MYO1E: variants seen among roughly 807,000 people sequenced by gnomAD.
The protein encoded by MYO1E is unconventional myosin-Ie.
A neutral mutation model predicts 151.1 loss-of-function variants in MYO1E; 68 were observed. The ratio of observed to expected loss-of-function variants is 0.45; its 90% CI spans 0.37 to 0.55. MYO1E has a LOEUF of 0.55. Among genes scored for constraint, MYO1E ranks in the 20% least tolerant of loss-of-function variants. MYO1E has a pLI of 0.00. For synonymous variants in MYO1E, 601 were observed against 501.7 expected, an observed-to-expected ratio of 1.20 and a Z score of -2.64; for missense variants, 1,363 against 1,389.3, an observed-to-expected ratio of 0.98 and a Z score of 0.30.
intron 4 of MYO1E, among the ~76,000 whole-genome samples, chr15:59,246,028 G>A (rs1291529264): frequency 6.6e-6 from 1 of 152,230 alleles, no homozygotes; most frequent in Non-Finnish European, 1.5e-5. Context: ...GAGCTAAGCA[G>A]ATATGGGTGG....
chr15:59,254,799 T>C (rs1395327543), intron 4 of MYO1E, among the ~76,000 whole-genome samples: 4 of 152,166 alleles, frequency 2.6e-5, no homozygotes, highest in African/African-American at 4.8e-5. Flanking sequence ...TACTTTCTAG[T>C]GTTTGAAAAT....
chr15:59,278,932 T>C (rs2080336974), intron 1 of MYO1E, among the ~76,000 whole-genome samples: 1 of 152,142 alleles, frequency 6.6e-6, no homozygotes, highest in Non-Finnish European at 1.5e-5. Flanking sequence ...GGTCATAATG[T>C]ACCATGTTGC....
chr15:59,302,781 T>C (rs959856396), intron 1 of MYO1E, among the ~76,000 whole-genome samples: 1 of 152,090 alleles, frequency 6.6e-6, no homozygotes, highest in Non-Finnish European at 1.5e-5. Flanking sequence ...CTGGACACTA[T>C]ATAAATTATA....
intron 1 of MYO1E, chr15:59,360,025 C>T (rs1237423358): frequency 1.3e-5 from 2 of 152,102 alleles, no homozygotes; most frequent in Non-Finnish European, 2.9e-5. Context: ...GGATTTGCTT[C>T]TAAAGAAACC....
chr15:59,306,131 T>C (rs1220389197), intron 1 of MYO1E, among the ~76,000 whole-genome samples: 2 of 152,212 alleles, frequency 1.3e-5, no homozygotes, highest in African/African-American at 4.8e-5. Flanking sequence ...CAGAAGTTTT[T>C]CTATGGCACC....
intron 7 of MYO1E, among the ~76,000 whole-genome samples, chr15:59,226,643 C>G (rs974046195): frequency 6.6e-6 from 1 of 151,968 alleles, no homozygotes; most frequent in South Asian, 2.1e-4. Flanking sequence ...CCCACCTCTA[C>G]GAAAAATACA....
chr15:59,291,833 A>T (rs1364613781), intron 1 of MYO1E, among the ~76,000 whole-genome samples: 1 of 152,024 alleles, frequency 6.6e-6, no homozygotes, highest in Non-Finnish European at 1.5e-5. Flanking sequence ...GGAAGGAAAT[A>T]AAACAACCCT....
Position 59,133,883 on chromosome 15 carries a change from T to C in MYO1E, c.*3497A>G, listed in dbSNP as rs1325213710. 1 of 152,066 alleles carries C rather than the reference T, an allele frequency of 6.6e-6. No individual in the cohort carries two copies. The allele number at this position is 152,066 out of a possible 1,614,324, so 9.4% of individuals were successfully genotyped here. A position where few individuals can be genotyped will look rare whatever the true frequency, so the allele number is the denominator to read the frequency against. Reference sequence around the variant, plus strand: ...CACTCAGGGAGGGTCTGGGGATGAGTTCAGGAGGGAGTCGCAAAGAGAAGG... The same window carrying C: ...CACTCAGGGAGGGTCTGGGGATGAGCTCAGGAGGGAGTCGCAAAGAGAAGG... On this transcript the variant is annotated 3_prime_UTR_variant, in exon 28 of 28. Coordinates refer to ENST00000288235, the MANE Select transcript of MYO1E (RefSeq NM_004998.4).
intron 1 of MYO1E, among the ~76,000 whole-genome samples, chr15:59,329,059 T>C (rs2080683402): frequency 6.6e-6 from 1 of 152,114 alleles, no homozygotes; most frequent in African/African-American, 2.4e-5. Context: ...GGACTCAAAA[T>C]GGGTAATGTA....
chr15:59,183,373 T>C (rs1239375666), intron 18 of MYO1E, among the ~76,000 whole-genome samples: 1 of 151,762 alleles, frequency 6.6e-6, no homozygotes, highest in Non-Finnish European at 1.5e-5. Flanking sequence ...CTTGTTTTCT[T>C]GAGACACAGT....
At chr15:59,291,983 C>T (rs2080422432) in intron 1 of MYO1E, among the ~76,000 whole-genome samples, 1 of 152,128 alleles carries the variant, frequency 6.6e-6, no homozygotes. Flanking sequence ...GAAACCACAG[C>T]TCTTTTGCTT....
intron 1 of MYO1E, among the ~76,000 whole-genome samples, chr15:59,319,919 C>CAAAG (rs1294249472): frequency 2.6e-5 from 4 of 151,880 alleles, no homozygotes; most frequent in African/African-American, 9.7e-5. Context: ...AACAAACAAA[C>CAAAG]AAAGAAAGAA....
chr15:59,223,997 C>G lies in MYO1E; in HGVS notation c.777+692G>C, dbSNP rs984812865. ...ATGTACTGAACCCACGCTGCTCATT[C>G]AGAGTCTACTGCTCAGTTCTGGATC... is the stretch of plus-strand genomic sequence containing the variant. On this transcript the variant is annotated intron_variant, in intron 8 of 27. Transcript: ENST00000288235. Among the ~76,000 whole-genome samples, 2 of 152,324 alleles carry G rather than the reference C, an allele frequency of 1.3e-5. 1 individual carries two copies. The highest frequency in any genetic ancestry group is 4.1e-4 in the South Asian group (2 of 4,826).
At position 59,236,363 on chromosome 15, in the gene MYO1E, A is replaced by AAAAATAT. The variant is rs1387709265; in HGVS notation, c.420+221_420+222insATATTTT. Among the ~76,000 whole-genome samples the AAAAATAT allele has an allele frequency of 6.6e-4, 40 of 60,812 alleles. 3 individuals are homozygous for AAAAATAT. The highest frequency in any genetic ancestry group is 1.9e-3 in the African/African-American group (40 of 21,080). The allele number at this position is 60,812 out of a possible 152,430, so 39.9% of individuals were successfully genotyped here. A position where few individuals can be genotyped will look rare whatever the true frequency, so the allele number is the denominator to read the frequency against. Reference sequence around the variant, plus strand: ...TCTGTCTCAAAAAAGAAAAAAAAAAAATATATACACACACACACACACACA... The same window carrying AAAAATAT: ...TCTGTCTCAAAAAAGAAAAAAAAAAAAAAATATATATATACACACACACACACACACA... On this transcript the variant is annotated intron_variant, in intron 5 of 27. Transcript: ENST00000288235.
chr15:59,276,462 TAAC>T (rs2080319766), intron 1 of MYO1E, among the ~76,000 whole-genome samples: 1 of 152,102 alleles, frequency 6.6e-6, no homozygotes, highest in African/African-American at 2.4e-5. Flanking sequence ...AACGTAATAA[TAAC>T]AATAATGAAA....
In MYO1E at chr15:59,161,145, C is replaced by G. The variant is rs142010359; in HGVS notation, c.2713G>C (p.Asp905His). 8.1e-6 allele frequency: 13 copies of G among 1,613,992 alleles called. No homozygotes were observed. Among genetic ancestry groups the G allele is most frequent in the Admixed American group, 1.7e-5 (1 of 59,996 alleles). ...RQVQFHQGFGDLAVLKPSNKV... is the reference protein window; with the variant it reads ...RQVQFHQGFGHLAVLKPSNKV... ...TTACTGGGCTTGAGGACAGCCAGGT[C>G]CCCAAACCCTTGGTGGAACTGCACT... is the stretch of plus-strand genomic sequence containing the variant. Residue 905 changes from aspartate to histidine, a missense_variant, in exon 24 of 28, where the codon GAC becomes CAC. Coordinates refer to ENST00000288235, the MANE Select transcript of MYO1E (RefSeq NM_004998.4).
intron 6 of MYO1E, among the ~76,000 whole-genome samples, 162 bp downstream of exon 6, chr15:59,231,540 C>A (rs1313034341): frequency 6.6e-6 from 1 of 152,194 alleles, no homozygotes; most frequent in Non-Finnish European, 1.5e-5. Context: ...AGGCAAACTG[C>A]AGCTTGGCGG....
At chr15:59,263,461 T>C (rs1185764501) in intron 2 of MYO1E, among the ~76,000 whole-genome samples, 1 of 152,228 alleles carries the variant, frequency 6.6e-6, no homozygotes, top group Non-Finnish European at 1.5e-5. Flanking sequence ...CAGGTGCTGT[T>C]TTAGAGGCAA....
At chr15:59,143,985 G>A (rs1046732151) in intron 26 of MYO1E, among the ~76,000 whole-genome samples, 1 of 152,102 alleles carries the variant, frequency 6.6e-6, no homozygotes, top group Non-Finnish European at 1.5e-5. Context: ...GACTTGTGTG[G>A]CTATTTGGCT....
Sources: allele counts gnomAD v4.1 joint callset (sites outside exome capture counted in the v4.1 genomes callset), GRCh38; gene constraint gnomAD v4.1.1; transcripts MANE v1.5; gene names NCBI Gene and HGNC (gene_info 2026-07-23, HGNC 2026-07-21).